The following ATRNL1 variants were observed in gnomAD, a reference collection of about 807,000 sequenced individuals.
The protein encoded by ATRNL1 is attractin like 1, also known as attractin-like protein 1.
Under a neutral mutation model 182.7 loss-of-function variants are expected in ATRNL1, and 95 were observed. The ratio of observed to expected loss-of-function variants is 0.52; its 90% CI spans 0.44 to 0.62. ATRNL1 has a LOEUF of 0.62. Among genes scored for constraint, ATRNL1 ranks in the 20% least tolerant of loss-of-function variants. The pLI, the probability that ATRNL1 is intolerant of heterozygous loss-of-function variation, is 0.00. For missense variants in ATRNL1, 1,471 were observed against 1,679.5 expected (o/e 0.88, Z 2.17); for synonymous variants, 576 against 568.3 (o/e 1.01, Z -0.19).
chr10:115,919,952 TACTAA>T (rs1555118309), intron 28 of ATRNL1, among the ~76,000 whole-genome samples: 1 of 152,186 alleles, frequency 6.6e-6, no homozygotes. Flanking sequence ...AGGCACCACC[TACTAA>T]TATCATCACA....
chr10:115,614,904 T>C (rs1857355111), intron 26 of ATRNL1, among the ~76,000 whole-genome samples: 1 of 152,202 alleles, frequency 6.6e-6, no homozygotes, highest in African/African-American at 2.4e-5. Context: ...TTTAAGTCTA[T>C]GTGTGCCTTT....
At chr10:115,693,041 T>C (rs1946442646) in intron 26 of ATRNL1, among the ~76,000 whole-genome samples, 1 of 152,144 alleles carries the variant, frequency 6.6e-6, no homozygotes, top group African/African-American at 2.4e-5. Flanking sequence ...ATTTATGTAC[T>C]GAAGAGCACT....
intron 26 of ATRNL1, among the ~76,000 whole-genome samples, chr10:115,681,143 A>G (rs570191438): frequency 1.3e-5 from 2 of 152,152 alleles, no homozygotes; most frequent in Non-Finnish European, 2.9e-5. Flanking sequence ...TGATGAATAC[A>G]TCTTCTCATG....
At chr10:115,544,513 G>A (rs910328762) in intron 25 of ATRNL1, among the ~76,000 whole-genome samples, 1 of 152,144 alleles carries the variant, frequency 6.6e-6, no homozygotes, top group Non-Finnish European at 1.5e-5. Flanking sequence ...TTGTCACATG[G>A]CGAAAGCAGG....
intron 19 of ATRNL1, among the ~76,000 whole-genome samples, chr10:115,377,150 G>A (rs2134217793): frequency 6.6e-6 from 1 of 152,202 alleles, no homozygotes; most frequent in East Asian, 1.9e-4. Flanking sequence ...TGGTTTGGCT[G>A]TGTCCCTACC....
intron 27 of ATRNL1, among the ~76,000 whole-genome samples, chr10:115,774,912 C>A (rs570513859): frequency 6.6e-6 from 1 of 151,746 alleles, no homozygotes; most frequent in East Asian, 1.9e-4. Flanking sequence ...CTTCTTCTCA[C>A]CCCCATCCCA....
At chr10:115,826,068 T>A (rs1018564009) in intron 27 of ATRNL1, among the ~76,000 whole-genome samples, 6 of 152,222 alleles carry the variant, frequency 3.9e-5, no homozygotes, top group African/African-American at 1.4e-4. Context: ...AAGGGTGAAC[T>A]CACATGAAAT....
intron 26 of ATRNL1, chr10:115,597,751 T>C (rs1308092014): frequency 4.6e-6 from 2 of 433,076 alleles, no homozygotes; most frequent in Admixed American, 2.6e-5. Flanking sequence ...TTTCACCATG[T>C]TGGCCAGACT....
chr10:115,626,975 A>C (rs1858148024), intron 26 of ATRNL1, among the ~76,000 whole-genome samples: 1 of 152,120 alleles, frequency 6.6e-6, no homozygotes, highest in Non-Finnish European at 1.5e-5. Context: ...ATATTTTATG[A>C]TTTGATGATA....
chr10:115,401,499 G>C (rs1333715420), intron 20 of ATRNL1, among the ~76,000 whole-genome samples: 1 of 152,142 alleles, frequency 6.6e-6, no homozygotes, highest in Non-Finnish European at 1.5e-5. Context: ...TGCTGAAATG[G>C]AGAAAATGAG....
At chr10:115,164,265 T>C (rs539825743) in intron 6 of ATRNL1, among the ~76,000 whole-genome samples, 1 of 152,286 alleles carries the variant, frequency 6.6e-6, no homozygotes, top group East Asian at 1.9e-4. Flanking sequence ...TATAGAAGCT[T>C]CTCTACTGCC....
chr10:115,564,603 T>C (rs994326509), intron 26 of ATRNL1, among the ~76,000 whole-genome samples: 2 of 151,926 alleles, frequency 1.3e-5, no homozygotes, highest in Non-Finnish European at 2.9e-5. Context: ...TCAAGCATTA[T>C]TTTTATACCT....
chr10:115,939,619 C>G (rs1006449243), intron 28 of ATRNL1, among the ~76,000 whole-genome samples: 4 of 152,112 alleles, frequency 2.6e-5, no homozygotes, highest in Non-Finnish European at 5.9e-5. Flanking sequence ...TGAATTGTTC[C>G]CCCAGTTAAT....
intron 20 of ATRNL1, among the ~76,000 whole-genome samples, chr10:115,415,191 C>G (rs1254542080): frequency 6.6e-6 from 1 of 152,008 alleles, no homozygotes; most frequent in Non-Finnish European, 1.5e-5. Context: ...TCTACAGACT[C>G]ATAAGCAGGA....
chr10:115,508,702 G>A (rs1850237928), intron 24 of ATRNL1, among the ~76,000 whole-genome samples: 1 of 151,994 alleles, frequency 6.6e-6, no homozygotes, highest in Admixed American at 6.6e-5. Flanking sequence ...ATTCTACAAA[G>A]TCTGAGAGAG....
chr10:115,894,696 A>G (rs1952163587), intron 28 of ATRNL1, among the ~76,000 whole-genome samples: 1 of 152,208 alleles, frequency 6.6e-6, no homozygotes, highest in Non-Finnish European at 1.5e-5. Flanking sequence ...GCTACCCACA[A>G]TAATACTCCT....
chr10:115,910,061 G>A (rs551826443), intron 28 of ATRNL1, among the ~76,000 whole-genome samples: 6 of 152,216 alleles, frequency 3.9e-5, no homozygotes, highest in African/African-American at 1.2e-4. Flanking sequence ...TTGGCACTCC[G>A]GAAGAGTTCC....
chr10:115,729,216 C>T (rs10885797), intron 27 of ATRNL1, among the ~76,000 whole-genome samples: 69,614 of 151,940 alleles, frequency 0.46, 17,512 homozygotes, highest in East Asian at 0.75. Flanking sequence ...TCTTCATGTT[C>T]TATTTTTTCC....
intron 26 of ATRNL1, among the ~76,000 whole-genome samples, chr10:115,558,872 C>G (rs561824427): frequency 1.3e-5 from 2 of 152,240 alleles, no homozygotes; most frequent in East Asian, 3.9e-4. Context: ...TTCCTACCCC[C>G]TTCTAGCTCA....
Sources: gnomAD v4.1 joint callset for allele counts (sites outside exome capture counted in the v4.1 genomes callset) on GRCh38, gnomAD v4.1.1 for gene constraint, MANE v1.5 for transcripts, NCBI Gene and HGNC (gene_info 2026-07-23, HGNC 2026-07-21) for gene names.